The following TPD52 variants were observed in gnomAD, a reference collection of about 807,000 sequenced individuals.
TPD52 encodes the protein prostate and colon associated protein.
TPD52 carries 17 observed loss-of-function variants against 31.3 expected under a neutral mutation model. The observed-to-expected ratio is 0.54, with a 90% CI of 0.37 to 0.82. The LOEUF is 0.82. TPD52 is among the 40% of genes least tolerant of loss of function. The probability of loss-of-function intolerance (pLI) is 0.00; values close to 1 mark genes in which losing one functional copy is unlikely to be tolerated. For missense variants in TPD52, 212 were observed against 240.1 expected (o/e 0.88, Z 0.77); for synonymous variants, 83 against 89.6 (o/e 0.93, Z 0.42).
chr8:80,106,544 G>C (rs1807125659), intron 1 of TPD52, among the ~76,000 whole-genome samples: 1 of 151,478 alleles, frequency 6.6e-6, no homozygotes, highest in Non-Finnish European at 1.5e-5. Context: ...TTTTAGTAGA[G>C]AGGGGGTTTC....
At chr8:80,076,419 G>A (rs1255533109) in intron 1 of TPD52, among the ~76,000 whole-genome samples, 1 of 152,054 alleles carries the variant, frequency 6.6e-6, no homozygotes. Context: ...AACCAAACAG[G>A]GCACCTTGTC....
chr8:80,127,502 G>C (rs976598053), intron 1 of TPD52: 2 of 152,132 alleles, frequency 1.3e-5, no homozygotes, highest in East Asian at 3.8e-4. Context: ...TGGCAGCCTG[G>C]CTATAGAGCT....
chr8:80,158,699 TG>T (rs1811136979), intron 1 of TPD52: 2 of 151,250 alleles, frequency 1.3e-5, no homozygotes, highest in Non-Finnish European at 2.9e-5. Flanking sequence ...CCCAGCACTT[TG>T]GGAGGCCGAG....
chr8:80,164,335 A>C (rs1811570616), intron 1 of TPD52, among the ~76,000 whole-genome samples: 1 of 152,252 alleles, frequency 6.6e-6, no homozygotes, highest in African/African-American at 2.4e-5. Flanking sequence ...AAAGAATGTA[A>C]GAATTTAGTA....
At chr8:80,126,798 T>C (rs529792089) in intron 1 of TPD52, among the ~76,000 whole-genome samples, 1 of 152,278 alleles carries the variant, frequency 6.6e-6, no homozygotes, top group South Asian at 2.1e-4. Flanking sequence ...TTTATAATTT[T>C]GATTTTAAAT....
intron 1 of TPD52, among the ~76,000 whole-genome samples, chr8:80,128,013 T>A (rs953493794): frequency 1.3e-5 from 2 of 151,856 alleles, no homozygotes; most frequent in Admixed American, 6.6e-5. Flanking sequence ...TTTTTACATT[T>A]TCTAACAAGC....
In TPD52 at chr8:80,171,480, C is replaced by G; in HGVS notation, c.-37G>C. ...GCCGCCTCGTGTCCTCTGCAGCACC[C>G]CCGCCTGCAGCCCGTCCCGGCTCGG... On this transcript the variant is annotated 5_prime_UTR_variant, in exon 1 of 8. Transcript: ENST00000518937. 5.8e-6 allele frequency: 9 copies of G among 1,561,626 alleles called. No homozygotes were observed. The highest frequency in any genetic ancestry group is 7.7e-6 in the Non-Finnish European group (9 of 1,165,692).
At chr8:80,055,071 C>T (rs554866331) in intron 2 of TPD52, among the ~76,000 whole-genome samples, 3 of 152,298 alleles carry the variant, frequency 2.0e-5, no homozygotes, top group South Asian at 2.1e-4. Flanking sequence ...TTCTCATGTA[C>T]ACTCTCTTAA....
chr8:80,070,310 T>G (rs1204536238), intron 1 of TPD52, among the ~76,000 whole-genome samples: 1 of 152,138 alleles, frequency 6.6e-6, no homozygotes, highest in Non-Finnish European at 1.5e-5. Flanking sequence ...CTAAGATTAT[T>G]GATTAAAAGC....
intron 1 of TPD52, among the ~76,000 whole-genome samples, chr8:80,152,100 C>T (rs564896733): frequency 1.3e-5 from 2 of 152,326 alleles, no homozygotes; most frequent in African/African-American, 4.8e-5. Flanking sequence ...GCTTTAGACG[C>T]ACCTTCCAGA....
At chr8:80,071,458 C>T (rs1474688975) in intron 1 of TPD52, among the ~76,000 whole-genome samples, 1 of 152,112 alleles carries the variant, frequency 6.6e-6, no homozygotes, top group Admixed American at 6.5e-5. Flanking sequence ...CTCACTTCCT[C>T]ACTGCCCACT....
At chr8:80,136,927 G>A (rs1809475914) in intron 1 of TPD52, among the ~76,000 whole-genome samples, 1 of 152,102 alleles carries the variant, frequency 6.6e-6, no homozygotes, top group African/African-American at 2.4e-5. Context: ...TCTTCTCCTA[G>A]TTCCACAGGT....
chr8:80,103,306 C>G (rs1331063290), intron 1 of TPD52, among the ~76,000 whole-genome samples: 2 of 152,174 alleles, frequency 1.3e-5, no homozygotes, highest in African/African-American at 4.8e-5. Flanking sequence ...GAAACTGCAC[C>G]AATCAGAAAT....
intron 1 of TPD52, chr8:80,080,682 T>C (rs192671752): frequency 5.3e-5 from 65 of 1,229,106 alleles, no homozygotes; most frequent in Middle Eastern, 6.4e-4. Flanking sequence ...TGAGCAACCT[T>C]AGGAGGGGCT....
intron 1 of TPD52, among the ~76,000 whole-genome samples, chr8:80,115,527 G>A (rs1807806023): frequency 6.6e-6 from 1 of 152,154 alleles, no homozygotes. Flanking sequence ...CTAGAGAGAA[G>A]GAAGGGAGGC....
Position 80,053,442 on chromosome 8 carries a change from G to A in TPD52, c.136-12C>T, listed in dbSNP as rs761318209. 1.1e-5 allele frequency: 17 copies of A among 1,611,614 alleles called. No individual in the cohort carries two copies. The East Asian group carries it at 3.8e-4, about 36-fold the overall frequency. ...ATTTCTTCTTCTACCTATGAGGAAG[G>A]GGTTTGGGGTAAGAATATAGCAAAA... On this transcript the variant is annotated splice_polypyrimidine_tract_variant and intron_variant, in intron 2 of 7. Transcript: ENST00000518937.
intron 1 of TPD52, among the ~76,000 whole-genome samples, chr8:80,143,784 C>A (rs796640214): frequency 3.9e-5 from 6 of 152,278 alleles, no homozygotes; most frequent in African/African-American, 1.4e-4. Flanking sequence ...TTGATAGTTC[C>A]ATTGCAACAG....
chr8:80,104,507 G>A (rs957441698), intron 1 of TPD52, among the ~76,000 whole-genome samples: 1 of 151,792 alleles, frequency 6.6e-6, no homozygotes, highest in African/African-American at 2.4e-5. Context: ...TCAGCACTCT[G>A]GGAGGCTGAG....
intron 1 of TPD52, among the ~76,000 whole-genome samples, chr8:80,161,786 G>C (rs1206100423): frequency 6.7e-6 from 1 of 149,952 alleles, no homozygotes; most frequent in Non-Finnish European, 1.5e-5. Context: ...CTGGAGTGCA[G>C]AGGCATGATC....
Sources: gnomAD v4.1 joint callset for allele counts (sites outside exome capture counted in the v4.1 genomes callset) on GRCh38, gnomAD v4.1.1 for gene constraint, MANE v1.5 for transcripts, NCBI Gene and HGNC (gene_info 2026-07-23, HGNC 2026-07-21) for gene names.